Variants in VPS72 observed in about 807,000 individuals in gnomAD.
VPS72 encodes vacuolar protein sorting-associated protein 72 homolog.
VPS72 carries 27 observed loss-of-function variants against 38.9 expected under a neutral mutation model. That is an observed-to-expected ratio of 0.69 (90% CI 0.51 to 0.96). The LOEUF (loss-of-function observed/expected upper bound fraction) is 0.96, where lower values mean the gene tolerates loss of function less well. VPS72 is among the 40% of genes least tolerant of loss of function. The pLI, the probability that VPS72 is intolerant of heterozygous loss-of-function variation, is 0.00. For missense variants in VPS72, 360 were observed against 479.5 expected (o/e 0.75, Z 2.33); for synonymous variants, 173 against 186.3 (o/e 0.93, Z 0.58).
chr1:151,189,962 C>T (rs749515356), intron 1 of VPS72, 43 bp downstream of exon 1: 13 of 1,607,812 alleles, frequency 8.1e-6, no homozygotes, highest in Non-Finnish European at 1.1e-5. Flanking sequence ...TTCAGGGCTC[C>T]TCTTTGCCTC....
intron 4 of VPS72, 119 bp from the exon 5 acceptor site, chr1:151,178,264 G>C: frequency 7.4e-7 from 1 of 1,352,294 alleles, no homozygotes; most frequent in Admixed American, 2.7e-5. Flanking sequence ...CCAACTACCA[G>C]AGACAACTAT....
rs1178773029 is a variant in VPS72 at position 151,185,596 on chromosome 1, G to A, written c.295C>T (p.Arg99Ter). 3.7e-6 allele frequency: 6 copies of A among 1,613,936 alleles called. No homozygotes were observed. The highest frequency in any genetic ancestry group is 2.2e-5 in the East Asian group (1 of 44,902). The change falls in exon 3 of 6, where the codon CGA becomes TGA. Residue 99 changes from arginine (R) to a stop codon, truncating the protein, a stop_gained. Coordinates refer to ENST00000368892, the MANE Select transcript of VPS72 (RefSeq NM_005997.3). LOFTEE classifies it high-confidence loss of function. ...CTACCAGCCGGGGTGTTGACCTTTC[G>A]AGGCCTTAAGCTCTTGAGAGGTTCC... is the stretch of plus-strand genomic sequence containing the variant. ...YKEPLKSLRP[R>*]KVNTPAGSSQ...
chr1:151,176,591 AG>A lies in VPS72; in HGVS notation c.*52del. 6.3e-7 allele frequency: 1 copy of A among 1,577,128 alleles called. No individual in the cohort carries two copies. Among genetic ancestry groups the A allele is most frequent in the Non-Finnish European group, 8.6e-7 (1 of 1,161,666 alleles). On this transcript the variant is annotated 3_prime_UTR_variant, in exon 6 of 6. Coordinates refer to ENST00000368892, the MANE Select transcript of VPS72 (RefSeq NM_005997.3). Reference sequence around the variant, plus strand: ...GAGAAGCAGGGAGAAGAAACGGAACAGCAAGAGCCCCAATCAGGGCAGGAAA... The same window carrying A: ...GAGAAGCAGGGAGAAGAAACGGAACACAAGAGCCCCAATCAGGGCAGGAAA...
chr1:151,186,286 T>C (rs1035243203), intron 1 of VPS72, among the ~76,000 whole-genome samples: 1 of 151,748 alleles, frequency 6.6e-6, no homozygotes, highest in Non-Finnish European at 1.5e-5. Flanking sequence ...CGAACAGGCT[T>C]GGTGGCTCAC....
rs587677465 is a variant in VPS72 at position 151,178,612 on chromosome 1, C to G, written c.563-467G>C. 1.1e-4 allele frequency among the ~76,000 whole-genome samples: 17 copies of G among 151,992 alleles called. No homozygotes were observed. In the East Asian group the frequency reaches 3.3e-3, roughly 29 times the overall value. The stretch of plus-strand genomic sequence containing the variant: ...CCACATTGCACTCCAGCCTAGGCAG[C>G]AGAGTGAGATCATATCTCCAAAAAA... On this transcript the variant is annotated intron_variant, in intron 4 of 5. Transcript: ENST00000368892.
At chr1:151,183,200 T>C (rs950430176) in intron 4 of VPS72, among the ~76,000 whole-genome samples, 1 of 151,606 alleles carries the variant, frequency 6.6e-6, no homozygotes, top group Admixed American at 6.6e-5. Context: ...GGCGGGTGGA[T>C]CACCTGAGGT....
chr1:151,184,308 CAG>C lies in VPS72; in HGVS notation c.562+7_562+8del. On this transcript the variant is annotated splice_region_variant and intron_variant, in intron 4 of 5. Coordinates refer to ENST00000368892, the MANE Select transcript of VPS72 (RefSeq NM_005997.3). ...CCTCTACTCACTTTTTCTGAAACCA[CAG>C]ACTTACCCAGTGACCGTAAATTAAG... The C allele has an allele frequency of 6.2e-7, 1 of 1,612,562 alleles. No individual in the cohort carries two copies. Among genetic ancestry groups the C allele is most frequent in the Non-Finnish European group, 8.5e-7 (1 of 1,178,806 alleles).
chr1:151,190,177 AG>A lies in VPS72; in HGVS notation c.-57del, dbSNP rs1338311899. 1.3e-6 allele frequency: 2 copies of A among 1,587,718 alleles called. No individual in the cohort carries two copies. The highest frequency in any genetic ancestry group is 1.7e-6 in the Non-Finnish European group (2 of 1,164,264). ...AGCCCCTCACCAGCTCGGTTTTGGG[AG>A]CTCGACGCTCGACATCACTACCTGC... On this transcript the variant is annotated 5_prime_UTR_variant, in exon 1 of 6. An upstream open reading frame in the 5' UTR loses its in-frame stop. Transcript: ENST00000368892.
chr1:151,186,978 C>T (rs587643077), intron 1 of VPS72, among the ~76,000 whole-genome samples: 55 of 152,246 alleles, frequency 3.6e-4, no homozygotes, highest in African/African-American at 1.3e-3. Flanking sequence ...ACTAAAGTTA[C>T]TGAGAGAAAT....
intron 3 of VPS72, among the ~76,000 whole-genome samples, chr1:151,184,864 C>A (rs1684314592): frequency 6.6e-6 from 1 of 151,972 alleles, no homozygotes; most frequent in South Asian, 2.1e-4. Context: ...GGATTACAGG[C>A]ATGAGCAACC....
chr1:151,186,031 C>A, intron 1 of VPS72, 81 bp from the exon 2 acceptor site: 1 of 1,534,512 alleles, frequency 6.5e-7, no homozygotes, highest in Non-Finnish European at 8.8e-7. Flanking sequence ...TCTCGACTTT[C>A]TTGATAAGGG....
chr1:151,178,503 C>T (rs906784485), intron 4 of VPS72, among the ~76,000 whole-genome samples: 17 of 152,044 alleles, frequency 1.1e-4, no homozygotes, highest in Admixed American at 2.6e-4. Context: ...CTGGCACACG[C>T]CTGTAATCCC....
At chr1:151,181,077 C>A (rs1362836979) in intron 4 of VPS72, among the ~76,000 whole-genome samples, 1 of 152,170 alleles carries the variant, frequency 6.6e-6, no homozygotes, top group Non-Finnish European at 1.5e-5. Context: ...GTCACTCCTT[C>A]ATTCACTGAA....
chr1:151,179,374 C>T (rs186501480), intron 4 of VPS72, among the ~76,000 whole-genome samples: 5 of 151,952 alleles, frequency 3.3e-5, no homozygotes, highest in South Asian at 2.1e-4. Context: ...CCAAGGTGTG[C>T]GGATCATGAG....
chr1:151,181,398 C>G (rs984194639), intron 4 of VPS72, among the ~76,000 whole-genome samples: 1 of 152,022 alleles, frequency 6.6e-6, no homozygotes, highest in Non-Finnish European at 1.5e-5. Context: ...CACGCACCAC[C>G]ATGCCTGGCT....
chr1:151,177,959 G>A lies in VPS72; in HGVS notation c.707+42C>T, dbSNP rs144809238. 1.2e-5 allele frequency: 20 copies of A among 1,602,412 alleles called. No individual in the cohort carries two copies. The East Asian group carries it at 4.3e-4, about 34-fold the overall frequency. ...AAGCAAAATGGGGCCAAGAGAACAT[G>A]AGCTGAACACACAATCTCTTTTCCT... On this transcript the variant is annotated intron_variant, in intron 5 of 5. Transcript: ENST00000368892.
At chr1:151,185,408 G>A (rs951341335) in intron 3 of VPS72, 98 bp downstream of exon 3, 1 of 1,221,840 alleles carries the variant, frequency 8.2e-7, no homozygotes, top group Non-Finnish European at 1.2e-6. Flanking sequence ...TTCTAGGAGT[G>A]AGCCACCGCA....
chr1:151,188,316 G>A (rs972238939), intron 1 of VPS72, among the ~76,000 whole-genome samples: 5 of 152,144 alleles, frequency 3.3e-5, no homozygotes, highest in Admixed American at 6.6e-5. Context: ...AATTACAGGC[G>A]TGAGCCACCA....
chr1:151,188,077 C>G (rs1395894973), intron 1 of VPS72, among the ~76,000 whole-genome samples: 4 of 151,128 alleles, frequency 2.6e-5, no homozygotes, highest in African/African-American at 9.7e-5. Flanking sequence ...GAGTCTCACT[C>G]TGTCGCCCAG....
Sources: allele counts gnomAD v4.1 joint callset (sites outside exome capture counted in the v4.1 genomes callset), GRCh38; gene constraint gnomAD v4.1.1; transcripts MANE v1.5; gene names NCBI Gene and HGNC (gene_info 2026-07-23, HGNC 2026-07-21).